ERBB4: variants seen among roughly 807,000 people sequenced by gnomAD.
ERBB4 encodes the protein erb-b2 receptor tyrosine kinase 4, also known as receptor tyrosine-protein kinase erbB-4.
In ERBB4, 42 loss-of-function variants were observed where a neutral mutation model predicts 158.0. The observed-to-expected ratio is 0.27, with a 90% CI of 0.21 to 0.34. The LOEUF (loss-of-function observed/expected upper bound fraction) is 0.34, where lower values mean the gene tolerates loss of function less well. ERBB4 is among the 10% of genes least tolerant of loss of function. The probability of loss-of-function intolerance (pLI) is 1.00; values close to 1 mark genes in which losing one functional copy is unlikely to be tolerated. For synonymous variants in ERBB4, 583 were observed against 558.7 expected (o/e 1.04, Z -0.61); for missense variants, 1,333 against 1,624.1 (o/e 0.82, Z 3.08).
intron 3 of ERBB4, among the ~76,000 whole-genome samples, chr2:211,844,640 C>A (rs2106011794): frequency 6.6e-6 from 1 of 152,232 alleles, no homozygotes; most frequent in South Asian, 2.1e-4. Context: ...TTCTTAAGAA[C>A]CACAGATGAC....
At chr2:211,814,817 T>C (rs556099537) in intron 3 of ERBB4, among the ~76,000 whole-genome samples, 49 of 152,332 alleles carry the variant, frequency 3.2e-4, no homozygotes, top group East Asian at 7.7e-4. Flanking sequence ...CCCAGCATTA[T>C]TGTGAGTGTC....
intron 1 of ERBB4, among the ~76,000 whole-genome samples, chr2:212,147,991 A>G (rs2080739203): frequency 6.6e-6 from 1 of 152,106 alleles, no homozygotes; most frequent in Non-Finnish European, 1.5e-5. Flanking sequence ...TAAGTTGTGG[A>G]TGCACACTTT....
At chr2:211,870,806 T>C (rs2078325179) in intron 3 of ERBB4, among the ~76,000 whole-genome samples, 1 of 152,092 alleles carries the variant, frequency 6.6e-6, no homozygotes, top group Non-Finnish European at 1.5e-5. Context: ...TCAGTGAAAA[T>C]CCCCATCTGT....
intron 4 of ERBB4, among the ~76,000 whole-genome samples, chr2:211,758,954 A>G (rs1441650277): frequency 6.6e-6 from 1 of 152,188 alleles, no homozygotes; most frequent in African/African-American, 2.4e-5. Context: ...CTGCTTACGA[A>G]CCATCTCCAC....
chr2:211,915,557 T>C (rs62184541), intron 3 of ERBB4, among the ~76,000 whole-genome samples: 12,851 of 151,924 alleles, frequency 0.085, 753 homozygotes, highest in East Asian at 0.23. Context: ...TTTAAAACTC[T>C]ATACAATGAC....
chr2:212,183,488 G>A (rs895411749), intron 1 of ERBB4, among the ~76,000 whole-genome samples: 3 of 151,958 alleles, frequency 2.0e-5, no homozygotes, highest in Admixed American at 2.0e-4. Flanking sequence ...AATCAATGAT[G>A]AGATATCACT....
intron 19 of ERBB4, among the ~76,000 whole-genome samples, chr2:211,595,203 T>C (rs1353207112): frequency 6.6e-6 from 1 of 152,182 alleles, no homozygotes; most frequent in East Asian, 1.9e-4. Flanking sequence ...ACGATAGGCA[T>C]TAACTTGCCT....
At chr2:211,811,452 T>G (rs1458614054) in intron 3 of ERBB4, among the ~76,000 whole-genome samples, 1 of 152,146 alleles carries the variant, frequency 6.6e-6, no homozygotes, top group Non-Finnish European at 1.5e-5. Context: ...TAACATTTTT[T>G]GTTTCATTTC....
intron 20 of ERBB4, among the ~76,000 whole-genome samples, chr2:211,505,570 G>GCAAACAAA (rs71047179): frequency 4.6e-5 from 7 of 151,094 alleles, no homozygotes; most frequent in African/African-American, 1.7e-4. Context: ...AAGGCAACTA[G>GCAAACAAA]CAAACAAACA....
At chr2:212,363,721 G>C (rs1022407064) in intron 1 of ERBB4, among the ~76,000 whole-genome samples, 10 of 151,350 alleles carry the variant, frequency 6.6e-5, no homozygotes, top group Non-Finnish European at 1.0e-4. Context: ...TTTAAATATG[G>C]ATTTACACTG....
chr2:211,866,687 C>T (rs370535560), intron 3 of ERBB4, among the ~76,000 whole-genome samples: 2 of 152,020 alleles, frequency 1.3e-5, no homozygotes, highest in Non-Finnish European at 2.9e-5. Context: ...GATTCTGTGA[C>T]TAACATTAAT....
intron 16 of ERBB4, among the ~76,000 whole-genome samples, chr2:211,657,070 A>C (rs189566237): frequency 6.6e-6 from 1 of 152,186 alleles, no homozygotes; most frequent in Non-Finnish European, 1.5e-5. Context: ...ATAATATAAA[A>C]TCAGAAATTG....
intron 2 of ERBB4, among the ~76,000 whole-genome samples, chr2:211,995,189 CAAT>C (rs1299253386): frequency 1.3e-5 from 2 of 152,128 alleles, no homozygotes; most frequent in Non-Finnish European, 2.9e-5. Context: ...CAGCTTTATT[CAAT>C]AATGTTTAAA....
intron 3 of ERBB4, among the ~76,000 whole-genome samples, chr2:211,886,767 G>C (rs73989225): frequency 0.057 from 8,688 of 152,204 alleles, 466 homozygotes; most frequent in African/African-American, 0.14. Flanking sequence ...TTATTTCCAT[G>C]TCATCTACAC....
At position 211,728,973 on chromosome 2, in the gene ERBB4, T is replaced by A. The variant is rs1266573954; in HGVS notation, c.623-3779A>T. Among the ~76,000 whole-genome samples the A allele has an allele frequency of 2.0e-5, 3 of 151,876 alleles. No individual in the cohort carries two copies. In the South Asian group the frequency reaches 6.2e-4, roughly 31 times the overall value. Reference sequence around the variant, plus strand: ...GTTCACGTTAAAATCATTTCTCTCATTGAGTACACTATTTAAATATGAAAA... The same window carrying A: ...GTTCACGTTAAAATCATTTCTCTCAATGAGTACACTATTTAAATATGAAAA... On this transcript the variant is annotated intron_variant, in intron 5 of 27. Transcript: ENST00000342788.
rs368074462 is a variant in ERBB4, at chr2:212,064,677, C to T, written c.234+60075G>A. Among the ~76,000 whole-genome samples the T allele has an allele frequency of 1.1e-4, 17 of 152,012 alleles. No homozygotes were observed. In the East Asian group the frequency reaches 1.7e-3, roughly 16 times the overall value. ...TGGGTGGGCAAGCAGTGTTTACTTT[C>T]GCAAACTAGAGAACAAAAGAACACT... On this transcript the variant is annotated intron_variant, in intron 2 of 27. Coordinates refer to ENST00000342788, the MANE Select transcript of ERBB4 (RefSeq NM_005235.3).
chr2:212,264,999 C>G (rs1026032349), intron 1 of ERBB4, among the ~76,000 whole-genome samples: 1 of 152,040 alleles, frequency 6.6e-6, no homozygotes, highest in Non-Finnish European at 1.5e-5. Flanking sequence ...TATTCTTCCC[C>G]TGGAAAATCC....
intron 1 of ERBB4, among the ~76,000 whole-genome samples, chr2:212,305,974 A>G (rs913737031): frequency 6.6e-6 from 1 of 151,480 alleles, no homozygotes; most frequent in Non-Finnish European, 1.5e-5. Context: ...TGATATCTGT[A>G]TAAGTAAATC....
intron 2 of ERBB4, among the ~76,000 whole-genome samples, chr2:211,957,875 T>C (rs542077620): frequency 2.8e-4 from 42 of 152,276 alleles, no homozygotes; most frequent in South Asian, 1.0e-3. Flanking sequence ...TGAGGTCTTT[T>C]ATAAATGTGA....
Sources: allele counts gnomAD v4.1 joint callset (sites outside exome capture counted in the v4.1 genomes callset), GRCh38; gene constraint gnomAD v4.1.1; transcripts MANE v1.5; gene names NCBI Gene and HGNC (gene_info 2026-07-23, HGNC 2026-07-21).